The following IRS1 variants were observed in gnomAD, a reference collection of about 807,000 sequenced individuals.
IRS1 encodes insulin receptor substrate 1.
A neutral mutation model predicts 65.6 loss-of-function variants in IRS1; 34 were observed. That is an observed-to-expected ratio of 0.52 (90% CI 0.39 to 0.69). The LOEUF (loss-of-function observed/expected upper bound fraction) is 0.69. IRS1 is among the 30% of genes least tolerant of loss of function. IRS1 has a pLI of 0.00. For synonymous variants in IRS1, 699 were observed against 683.5 expected, an observed-to-expected ratio of 1.02 and a Z score of -0.35; for missense variants, 1,641 against 1,720.2, an observed-to-expected ratio of 0.95 and a Z score of 0.81.
At chr2:226,776,556 A>G (rs1939278338) in intron 1 of IRS1, among the ~76,000 whole-genome samples, 1 of 152,188 alleles carries the variant, frequency 6.6e-6, no homozygotes, top group Non-Finnish European at 1.5e-5. Flanking sequence ...GATAACAGGT[A>G]CACTTGATAG....
intron 1 of IRS1, among the ~76,000 whole-genome samples, chr2:226,777,757 T>C (rs937863600): frequency 6.6e-6 from 1 of 152,192 alleles, no homozygotes; most frequent in African/African-American, 2.4e-5. Context: ...AAGATGTGAC[T>C]TGCTCCTCTT....
intron 1 of IRS1, among the ~76,000 whole-genome samples, chr2:226,784,785 C>CCCA (rs1276293653): frequency 2.0e-5 from 3 of 152,162 alleles, no homozygotes; most frequent in Non-Finnish European, 4.4e-5. Context: ...CAAGAGCTAC[C>CCCA]CCATTCTATT....
chr2:226,771,511 C>G (rs1413202312), intron 1 of IRS1, among the ~76,000 whole-genome samples: 2 of 152,100 alleles, frequency 1.3e-5, no homozygotes, highest in Non-Finnish European at 2.9e-5. Flanking sequence ...ACCCAGAGGC[C>G]AGGAGTTAGA....
chr2:226,760,522 T>C (rs1049396705), intron 1 of IRS1, among the ~76,000 whole-genome samples: 1 of 152,194 alleles, frequency 6.6e-6, no homozygotes, highest in Admixed American at 6.5e-5. Context: ...CCTCTTAATC[T>C]GCTGTGGCTC....
chr2:226,797,393 G>A lies in IRS1; in HGVS notation c.1346C>T (p.Ser449Phe). ...GCGGGCTGGTGGGGTGTGGCCCAGG[G>A]AATCCGGAGTGACACTGCGGAAGGA... is the stretch of plus-strand genomic sequence containing the variant. ...RSSFRSVTPDSLGHTPPARGE... is the reference protein window; with the variant it reads ...RSSFRSVTPDFLGHTPPARGE... Residue 449 changes from serine (S) to phenylalanine (F), a missense_variant, in exon 1 of 2, where the codon TCC becomes TTC. Transcript: ENST00000305123. This position sits in a 1 kb window ranked among gnomAD's most constrained non-coding sequence, Gnocchi z 8.1. The A allele has an allele frequency of 6.2e-7, 1 of 1,612,594 alleles. No individual in the cohort carries two copies. Among genetic ancestry groups the A allele is most frequent in the Non-Finnish European group, 8.5e-7 (1 of 1,179,414 alleles).
intron 1 of IRS1, among the ~76,000 whole-genome samples, chr2:226,741,485 A>T (rs1295123953): frequency 6.6e-6 from 1 of 152,142 alleles, no homozygotes; most frequent in Non-Finnish European, 1.5e-5. Context: ...GTTAGAAAAG[A>T]TTCCCTTCAT....
At chr2:226,741,322 C>T (rs896796077) in intron 1 of IRS1, among the ~76,000 whole-genome samples, 10 of 152,138 alleles carry the variant, frequency 6.6e-5, no homozygotes, top group Non-Finnish European at 1.5e-4. Flanking sequence ...TTGCCATCAT[C>T]CCAACGCATT....
At chr2:226,740,768 A>G (rs1938420605) in intron 1 of IRS1, among the ~76,000 whole-genome samples, 2 of 152,210 alleles carry the variant, frequency 1.3e-5, no homozygotes, top group African/African-American at 4.8e-5. Context: ...AAATATTTTA[A>G]GTTGCTTGGC....
rs34148710 is a variant in IRS1, at chr2:226,732,468, C to CTATATATATATATATA, written c.*3788_*3803dup. On this transcript the variant is annotated 3_prime_UTR_variant, in exon 2 of 2. Coordinates refer to ENST00000305123, the MANE Select transcript of IRS1 (RefSeq NM_005544.3). ...TCAAGTTTCTCACAAGCCTATACAT[C>CTATATATATATATATA]TATATATATATATATATATATATAC... 5 of 133,238 alleles carry CTATATATATATATATA rather than the reference C, an allele frequency of 3.8e-5. No individual in the cohort carries two copies. The highest frequency in any genetic ancestry group is 1.4e-4 in the African/African-American group (5 of 36,794). The allele number at this position is 133,238 out of a possible 1,614,324, so 8.3% of individuals were successfully genotyped here. A position where few individuals can be genotyped will look rare whatever the true frequency, so the allele number is the denominator to read the frequency against.
intron 1 of IRS1, among the ~76,000 whole-genome samples, chr2:226,783,555 G>C (rs1041369267): frequency 2.6e-5 from 4 of 152,196 alleles, no homozygotes; most frequent in African/African-American, 9.7e-5. Flanking sequence ...GGGAATATAA[G>C]TGTTTGTGTT....
intron 1 of IRS1, among the ~76,000 whole-genome samples, chr2:226,751,865 C>T (rs1348264165): frequency 6.6e-6 from 1 of 152,128 alleles, no homozygotes; most frequent in Non-Finnish European, 1.5e-5. Flanking sequence ...CCATGTTTTA[C>T]CAAATAAACC....
chr2:226,784,555 T>C (rs930949934), intron 1 of IRS1, among the ~76,000 whole-genome samples: 3 of 152,184 alleles, frequency 2.0e-5, no homozygotes, highest in Non-Finnish European at 4.4e-5. Context: ...CCCGAGTAGC[T>C]GGGATTACAG....
rs1230926131 is a variant in IRS1 at position 226,798,066 on chromosome 2, C to T, written c.673G>A (p.Val225Met). The T allele has an allele frequency of 6.2e-7, 1 of 1,614,094 alleles. No homozygotes were observed. Among genetic ancestry groups the T allele is most frequent in the Non-Finnish European group, 8.5e-7 (1 of 1,180,032 alleles). Residue 225 changes from valine (V) to methionine (M), a missense_variant, in exon 1 of 2, where the codon GTG becomes ATG. Around this residue, in one of 3 missense-constraint regions of IRS1, gnomAD observed 77 missense variants for 129.6 expected, o/e 0.59. Coordinates refer to ENST00000305123, the MANE Select transcript of IRS1 (RefSeq NM_005544.3). This position sits in a 1 kb window ranked among gnomAD's most constrained non-coding sequence, Gnocchi z 9.4. ...GGCCCCGTCACGGCAGAACGGCCCA[C>T]CTCGATGAAGAAGAAGTTTTCCGAG... ...GHSENFFFIE[V>M]GRSAVTGPGE...
intron 1 of IRS1, among the ~76,000 whole-genome samples, chr2:226,779,994 T>C (rs1939350089): frequency 6.6e-6 from 1 of 152,118 alleles, no homozygotes; most frequent in African/African-American, 2.4e-5. Context: ...CATATTTTAG[T>C]AGAGGGGCTA....
At chr2:226,767,870 C>T (rs1248321412) in intron 1 of IRS1, among the ~76,000 whole-genome samples, 2 of 152,128 alleles carry the variant, frequency 1.3e-5, no homozygotes, top group Non-Finnish European at 2.9e-5. Flanking sequence ...CAGAAGAAGT[C>T]CATGTCCCTC....
At chr2:226,761,310 T>G (rs910087086) in intron 1 of IRS1, among the ~76,000 whole-genome samples, 2 of 152,182 alleles carry the variant, frequency 1.3e-5, no homozygotes, top group Non-Finnish European at 2.9e-5. Context: ...GTAATAAATT[T>G]GGCTGCTGTA....
chr2:226,782,090 G>C (rs187446211), intron 1 of IRS1, among the ~76,000 whole-genome samples: 1 of 152,052 alleles, frequency 6.6e-6, no homozygotes, highest in African/African-American at 2.4e-5. Context: ...TTTAGCTGTG[G>C]TTCAAAGAGT....
chr2:226,766,134 TATATATATATA>T (rs1939029797), intron 1 of IRS1, among the ~76,000 whole-genome samples: 1 of 3,626 alleles, frequency 2.8e-4, no homozygotes, highest in Non-Finnish European at 7.9e-4. Context: ...TATATATATA[TATATATATATA>T]TATATATATA....
intron 1 of IRS1, among the ~76,000 whole-genome samples, chr2:226,766,784 T>C (rs1009513447): frequency 6.6e-6 from 1 of 152,146 alleles, no homozygotes; most frequent in Non-Finnish European, 1.5e-5. Context: ...TAAAACCTTA[T>C]AATTGCAGGA....
Sources: allele counts gnomAD v4.1 joint callset (sites outside exome capture counted in the v4.1 genomes callset), GRCh38; gene constraint gnomAD v4.1.1; regional missense constraint gnomAD v4.1.1; non-coding constraint Gnocchi (gnomAD v3.1); transcripts MANE v1.5; gene names NCBI Gene and HGNC (gene_info 2026-07-23, HGNC 2026-07-21).